The following HS3ST2 variants were observed in gnomAD, a reference collection of about 807,000 sequenced individuals.
The protein encoded by HS3ST2 is heparan sulfate-glucosamine 3-sulfotransferase 2, also known as heparan sulfate glucosamine 3-O-sulfotransferase 2.
Under a neutral mutation model 26.3 loss-of-function variants are expected in HS3ST2, and 17 were observed. The ratio of observed to expected loss-of-function variants is 0.65; its 90% CI spans 0.44 to 0.97. The LOEUF (loss-of-function observed/expected upper bound fraction) is 0.97. Ranked by LOEUF, HS3ST2 falls within the 50% of genes least tolerant of loss-of-function variation. The pLI, the probability that HS3ST2 is intolerant of heterozygous loss-of-function variation, is 0.00. For synonymous variants in HS3ST2, 237 were observed against 219.2 expected (o/e 1.08, Z -0.72); for missense variants, 402 against 501.2 (o/e 0.80, Z 1.89).
intron 1 of HS3ST2, among the ~76,000 whole-genome samples, chr16:22,846,608 TG>T (rs1362938869): frequency 6.6e-6 from 1 of 152,176 alleles, no homozygotes; most frequent in Non-Finnish European, 1.5e-5. Context: ...CCGATTAGAC[TG>T]GCAAAAATCA....
intron 1 of HS3ST2, among the ~76,000 whole-genome samples, chr16:22,911,255 A>T (rs971169582): frequency 2.0e-5 from 3 of 152,188 alleles, no homozygotes; most frequent in Non-Finnish European, 4.4e-5. Context: ...TGGGGAGAGC[A>T]ATTAGAACAG....
At chr16:22,843,359 C>T (rs1901385600) in intron 1 of HS3ST2, among the ~76,000 whole-genome samples, 1 of 152,138 alleles carries the variant, frequency 6.6e-6, no homozygotes, top group Non-Finnish European at 1.5e-5. Context: ...CGTCAGATCC[C>T]ACGGGTTGAG....
intron 1 of HS3ST2, among the ~76,000 whole-genome samples, chr16:22,843,746 G>T (rs1901392622): frequency 6.6e-6 from 1 of 152,096 alleles, no homozygotes; most frequent in African/African-American, 2.4e-5. Flanking sequence ...GAAACTCCCT[G>T]AATCCTGTTC....
chr16:22,862,759 A>C lies in HS3ST2; in HGVS notation c.485+47664A>C, dbSNP rs144723317. Among the ~76,000 whole-genome samples the C allele has an allele frequency of 2.6e-5, 4 of 152,306 alleles. No individual in the cohort carries two copies. The East Asian group carries it at 7.7e-4, about 29-fold the overall frequency. On this transcript the variant is annotated intron_variant, in intron 1 of 1. Transcript: ENST00000261374. The stretch of plus-strand genomic sequence containing the variant: ...TCCAGAGAAGCCAAGCAATTTTGAC[A>C]GCCAAGAGAGAAGCATGGAGTGGAG...
chr16:22,881,801 T>G (rs1901994071), intron 1 of HS3ST2, among the ~76,000 whole-genome samples: 1 of 152,154 alleles, frequency 6.6e-6, no homozygotes, highest in Admixed American at 6.5e-5. Context: ...TCACTTCTCT[T>G]CTCCCAGCAT....
In HS3ST2 at chr16:22,868,405, C is replaced by CAAAAA. The variant is rs77630354; in HGVS notation, c.486-46518_486-46514dup. Among the ~76,000 whole-genome samples the CAAAAA allele has an allele frequency of 1.7e-3, 75 of 43,448 alleles. 3 individuals are homozygous for CAAAAA. Among genetic ancestry groups the CAAAAA allele is most frequent in the African/African-American group, 4.3e-3 (57 of 13,120 alleles). The allele number at this position is 43,448 out of a possible 152,430, so 28.5% of individuals were successfully genotyped here. A position where few individuals can be genotyped will look rare whatever the true frequency, so the allele number is the denominator to read the frequency against. On this transcript the variant is annotated intron_variant, in intron 1 of 1. Transcript: ENST00000261374. ...GCCTGGCAACAGAGCAAGACTCCAT[C>CAAAAA]AAAAAAAAAAAAAAAAAAAAAAAAA...
intron 1 of HS3ST2, among the ~76,000 whole-genome samples, chr16:22,848,844 T>TA (rs1435078835): frequency 6.6e-6 from 1 of 152,212 alleles, no homozygotes; most frequent in African/African-American, 2.4e-5. Context: ...CCTGACACCG[T>TA]ACCATGCATG....
At chr16:22,820,477 C>T (rs1203555735) in intron 1 of HS3ST2, among the ~76,000 whole-genome samples, 2 of 152,208 alleles carry the variant, frequency 1.3e-5, no homozygotes, top group African/African-American at 4.8e-5. Flanking sequence ...ACTCACAGTT[C>T]CATGTGGCTG....
chr16:22,907,831 G>T (rs183535417), intron 1 of HS3ST2, among the ~76,000 whole-genome samples: 27 of 152,118 alleles, frequency 1.8e-4, no homozygotes, highest in Non-Finnish European at 3.5e-4. Flanking sequence ...TCATCCAGGA[G>T]GATCACATAG....
chr16:22,890,895 C>A (rs1471269497), intron 1 of HS3ST2, among the ~76,000 whole-genome samples: 2 of 152,194 alleles, frequency 1.3e-5, no homozygotes, highest in African/African-American at 4.8e-5. Flanking sequence ...CCATCCAATT[C>A]TCCGCATTCA....
chr16:22,847,646 A>T (rs2141184464), intron 1 of HS3ST2, among the ~76,000 whole-genome samples: 1 of 152,182 alleles, frequency 6.6e-6, no homozygotes, highest in Non-Finnish European at 1.5e-5. Context: ...AACTGAAAAC[A>T]TGAGTTAATA....
chr16:22,815,123 G>A (rs1411723770), intron 1 of HS3ST2, 28 bp downstream of exon 1: 3 of 1,604,856 alleles, frequency 1.9e-6, no homozygotes, highest in Non-Finnish European at 2.5e-6. Context: ...CGCTCCGTGC[G>A]CCGGGTCTCT....
chr16:22,855,672 CTCTG>C (rs1341447494), intron 1 of HS3ST2, among the ~76,000 whole-genome samples: 9 of 148,840 alleles, frequency 6.0e-5, no homozygotes, highest in African/African-American at 2.0e-4. Flanking sequence ...AGTTCTTTCT[CTCTG>C]TCTGTCTCTC....
At chr16:22,832,310 A>T (rs1462326485) in intron 1 of HS3ST2, among the ~76,000 whole-genome samples, 2 of 152,094 alleles carry the variant, frequency 1.3e-5, no homozygotes, top group African/African-American at 4.8e-5. Context: ...AGATAAAATT[A>T]AAAAATAAAA....
chr16:22,913,515 A>G (rs938459552), intron 1 of HS3ST2, among the ~76,000 whole-genome samples: 1 of 152,218 alleles, frequency 6.6e-6, no homozygotes, highest in African/African-American at 2.4e-5. Flanking sequence ...TTTTCAGCAG[A>G]AGACGTCAGA....
intron 1 of HS3ST2, among the ~76,000 whole-genome samples, chr16:22,845,602 C>T (rs574294526): frequency 4.6e-5 from 7 of 152,000 alleles, no homozygotes; most frequent in Non-Finnish European, 7.4e-5. Context: ...CTGCCTGCCT[C>T]GGCCTCCCAA....
intron 1 of HS3ST2, among the ~76,000 whole-genome samples, chr16:22,825,086 G>A (rs1901063849): frequency 6.6e-6 from 1 of 152,188 alleles, no homozygotes; most frequent in Non-Finnish European, 1.5e-5. Flanking sequence ...GGCAGTTTCA[G>A]CATAGCTATG....
At chr16:22,905,886 T>C (rs1300982346) in intron 1 of HS3ST2, among the ~76,000 whole-genome samples, 1 of 152,148 alleles carries the variant, frequency 6.6e-6, no homozygotes, top group Non-Finnish European at 1.5e-5. Flanking sequence ...AAAATGCATA[T>C]TCTTGAACTG....
At chr16:22,838,600 C>T (rs935757004) in intron 1 of HS3ST2, among the ~76,000 whole-genome samples, 4 of 152,092 alleles carry the variant, frequency 2.6e-5, no homozygotes, top group Non-Finnish European at 5.9e-5. Context: ...ATTAGGTGTC[C>T]ACAGCTGCTG....
Sources: gnomAD v4.1 joint callset for allele counts (sites outside exome capture counted in the v4.1 genomes callset) on GRCh38, gnomAD v4.1.1 for gene constraint, MANE v1.5 for transcripts, NCBI Gene and HGNC (gene_info 2026-07-23, HGNC 2026-07-21) for gene names.